The following ADGRL3 variants were observed in gnomAD, a reference collection of about 807,000 sequenced individuals.
ADGRL3 encodes calcium-independent alpha-latrotoxin receptor 3.
In ADGRL3, 62 loss-of-function variants were observed where a neutral mutation model predicts 153.5. The observed-to-expected ratio is 0.40, with a 90% CI of 0.33 to 0.50. ADGRL3 has a LOEUF of 0.50. Ranked by LOEUF, ADGRL3 falls within the 20% of genes least tolerant of loss-of-function variation. ADGRL3 has a pLI of 0.47. For missense variants in ADGRL3, 1,641 were observed against 1,859.4 expected (o/e 0.88, Z 2.16); for synonymous variants, 710 against 672.5 (o/e 1.06, Z -0.86).
intron 4 of ADGRL3, among the ~76,000 whole-genome samples, chr4:61,585,670 A>T (rs868231351): frequency 6.6e-6 from 1 of 152,060 alleles, no homozygotes; most frequent in Non-Finnish European, 1.5e-5. Context: ...TAAACGCTTC[A>T]TTTAAAATTT....
intron 5 of ADGRL3, among the ~76,000 whole-genome samples, chr4:61,654,871 T>TG (rs1208646332): frequency 6.6e-6 from 1 of 152,156 alleles, no homozygotes; most frequent in Non-Finnish European, 1.5e-5. Context: ...CACTCCAGCT[T>TG]GGGCAACAGA....
rs185678652 is a variant in ADGRL3 at position 62,035,296 on chromosome 4, C to T, written c.3592-2435C>T. ...ATCTTTGTTGGAAAATGCAAATAGC[C>T]CACGATGAATTATTGTGGCTTAAAC... On this transcript the variant is annotated intron_variant, in intron 23 of 26. Coordinates refer to ENST00000683033, the MANE Select transcript of ADGRL3 (RefSeq NM_001387552.1). Among the ~76,000 whole-genome samples, 97 of 151,972 alleles carry T rather than the reference C, an allele frequency of 6.4e-4. No individual in the cohort carries two copies. In the East Asian group the frequency reaches 0.016, roughly 25 times the overall value.
At position 61,742,654 on chromosome 4, in the gene ADGRL3, A is replaced by C. The variant is rs561557983; in HGVS notation, c.1399+9100A>C. The stretch of plus-strand genomic sequence containing the variant: ...CAGGCAATAGTATGAGTTTTTAAGC[A>C]CAAAGGTATTTCCTTCTTAATAACT... On this transcript the variant is annotated intron_variant, in intron 8 of 26. Transcript: ENST00000683033. Among the ~76,000 whole-genome samples the C allele has an allele frequency of 2.0e-5, 3 of 152,308 alleles. No individual in the cohort carries two copies. The East Asian group carries it at 5.8e-4, about 29-fold the overall frequency.
At chr4:61,699,519 A>G (rs2095708983) in intron 6 of ADGRL3, among the ~76,000 whole-genome samples, 1 of 152,066 alleles carries the variant, frequency 6.6e-6, no homozygotes, top group Non-Finnish European at 1.5e-5. Context: ...CAGGTAAAGG[A>G]TTATGGATTG....
chr4:61,392,708 A>AAAAAAAAAAGT lies in ADGRL3; in HGVS notation c.-174+9523_-174+9524insAAAAAGTAAAA, dbSNP rs1560565678. Among the ~76,000 whole-genome samples the AAAAAAAAAAGT allele has an allele frequency of 2.2e-5, 2 of 92,736 alleles. 1 individual carries two copies. Among genetic ancestry groups the AAAAAAAAAAGT allele is most frequent in the Non-Finnish European group, 4.7e-5 (2 of 42,130 alleles). The allele number at this position is 92,736 out of a possible 152,430, so 60.8% of individuals were successfully genotyped here. A position where few individuals can be genotyped will look rare whatever the true frequency, so the allele number is the denominator to read the frequency against. The stretch of plus-strand genomic sequence containing the variant: ...TCAAAAAAAAAAAAAAAAAAAAAAG[A>AAAAAAAAAAGT]AAAAGGAAAATAAAGAAAGAGAGAA... On this transcript the variant is annotated intron_variant, in intron 2 of 26. Transcript: ENST00000683033.
At chr4:61,899,506 G>T (rs2098651872) in intron 11 of ADGRL3, among the ~76,000 whole-genome samples, 1 of 151,436 alleles carries the variant, frequency 6.6e-6, no homozygotes, top group African/African-American at 2.4e-5. Flanking sequence ...GGAAACACAG[G>T]TGAAAAAAAA....
chr4:61,543,701 G>C (rs1006816948), intron 4 of ADGRL3, among the ~76,000 whole-genome samples: 1 of 152,134 alleles, frequency 6.6e-6, no homozygotes, highest in African/African-American at 2.4e-5. Context: ...AAACATACCT[G>C]TATCCTTAAT....
At chr4:61,446,529 T>G (rs565591232) in intron 2 of ADGRL3, among the ~76,000 whole-genome samples, 1 of 152,324 alleles carries the variant, frequency 6.6e-6, no homozygotes, top group East Asian at 1.9e-4. Flanking sequence ...ACATCATACC[T>G]TCTACTACAT....
chr4:61,401,052 T>A (rs944250333), intron 2 of ADGRL3, among the ~76,000 whole-genome samples: 6 of 151,666 alleles, frequency 4.0e-5, no homozygotes, highest in African/African-American at 1.4e-4. Flanking sequence ...ACAATTTATG[T>A]GGAAGGAAGA....
chr4:61,222,075 G>A (rs1351188334), intron 1 of ADGRL3, among the ~76,000 whole-genome samples: 1 of 151,982 alleles, frequency 6.6e-6, no homozygotes, highest in Non-Finnish European at 1.5e-5. Flanking sequence ...CCTTCTGGAA[G>A]CATTGAATTA....
chr4:61,386,704 T>C (rs552736542), intron 2 of ADGRL3, among the ~76,000 whole-genome samples: 1 of 152,266 alleles, frequency 6.6e-6, no homozygotes, highest in South Asian at 2.1e-4. Context: ...TAAAAATGTA[T>C]TACTTTATCA....
chr4:61,288,283 A>G (rs187692160), intron 1 of ADGRL3, among the ~76,000 whole-genome samples: 1 of 152,096 alleles, frequency 6.6e-6, no homozygotes, highest in African/African-American at 2.4e-5. Context: ...ACAGAAAACC[A>G]AGCTAACCAT....
chr4:61,350,946 G>C (rs1445385123), intron 1 of ADGRL3, among the ~76,000 whole-genome samples: 2 of 152,130 alleles, frequency 1.3e-5, no homozygotes, highest in African/African-American at 4.8e-5. Flanking sequence ...CACCTCACTT[G>C]AAATCAAAAG....
rs141680156 is a variant in ADGRL3, at chr4:61,566,775, A to T, written c.260-20452A>T. Among the ~76,000 whole-genome samples, 781 of 152,262 alleles carry T rather than the reference A, an allele frequency of 5.1e-3. 4 individuals are homozygous for T. Among genetic ancestry groups the T allele is most frequent in the African/African-American group, 0.018 (739 of 41,562 alleles). On this transcript the variant is annotated intron_variant, in intron 4 of 26. Transcript: ENST00000683033. The stretch of plus-strand genomic sequence containing the variant: ...TTTAGTATAAAATTTGTACACATTT[A>T]CTATTTTTAGAATATGCTTATGTAG...
chr4:61,386,443 C>A (rs1314902199), intron 2 of ADGRL3, among the ~76,000 whole-genome samples: 1 of 152,054 alleles, frequency 6.6e-6, no homozygotes, highest in Non-Finnish European at 1.5e-5. Flanking sequence ...TAGTACACAG[C>A]AAAATAAATA....
chr4:61,524,621 A>G (rs2098548977), intron 4 of ADGRL3, among the ~76,000 whole-genome samples: 1 of 152,030 alleles, frequency 6.6e-6, no homozygotes, highest in Non-Finnish European at 1.5e-5. Context: ...AAGTCCAGGG[A>G]CTTATATTCT....
At chr4:61,494,163 G>GTAGAAATT (rs1366475709) in intron 2 of ADGRL3, among the ~76,000 whole-genome samples, 1 of 151,166 alleles carries the variant, frequency 6.6e-6, no homozygotes, top group Admixed American at 6.6e-5. Flanking sequence ...ATCTACTGTG[G>GTAGAAATT]TAGAAATTTA....
At chr4:61,598,503 C>T (rs912804078) in intron 5 of ADGRL3, among the ~76,000 whole-genome samples, 1 of 152,122 alleles carries the variant, frequency 6.6e-6, no homozygotes, top group African/African-American at 2.4e-5. Flanking sequence ...CCCCTACATT[C>T]CTTTAATCTG....
intron 4 of ADGRL3, among the ~76,000 whole-genome samples, chr4:61,566,467 A>G (rs2098816682): frequency 6.6e-6 from 1 of 152,210 alleles, no homozygotes; most frequent in Admixed American, 6.5e-5. Flanking sequence ...AACACATAAC[A>G]GGAGGGAAAG....
Sources: allele counts gnomAD v4.1 joint callset (sites outside exome capture counted in the v4.1 genomes callset), GRCh38; gene constraint gnomAD v4.1.1; transcripts MANE v1.5; gene names NCBI Gene and HGNC (gene_info 2026-07-23, HGNC 2026-07-21).